OR14K1: variants seen among roughly 807,000 people sequenced by gnomAD.
OR14K1 encodes the protein olfactory receptor family 14 subfamily K member 1.
For synonymous variants in OR14K1, 104 were observed against 70.0 expected, an observed-to-expected ratio of 1.49 and a Z score of -2.42; for missense variants, 253 against 174.4, an observed-to-expected ratio of 1.45 and a Z score of -2.54.
chr1:247,738,683 G>A lies in OR14K1; in HGVS notation c.69G>A (p.Arg23=). Residue 23 remains arginine (R), a synonymous_variant, in exon 1 of 1, where the codon AGG becomes AGA. Transcript: ENST00000283225. ...TTACTGAGAATTGGGTGCTCCTGAG[G>A]CTGCATGCTTTGCTCTTCTCACTGA... ...VRFTENWVLL[R]LHALLFSLIY... is the part of the protein sequence containing the mutation. 1 of 780,792 alleles carries A rather than the reference G, an allele frequency of 1.3e-6. No homozygotes were observed. The highest frequency in any genetic ancestry group is 2.4e-6 in the Non-Finnish European group (1 of 417,964). The allele number at this position is 780,792 out of a possible 1,614,324, so 48.4% of individuals were successfully genotyped here.
Position 247,739,069 on chromosome 1 carries a change from C to T in OR14K1, c.455C>T (p.Ala152Val), listed in dbSNP as rs1472766835. 2 of 780,612 alleles carry T rather than the reference C, an allele frequency of 2.6e-6. No individual in the cohort carries two copies. Among genetic ancestry groups the T allele is most frequent in the African/African-American group, 1.7e-5 (1 of 59,092 alleles). The allele number at this position is 780,612 out of a possible 1,614,324, so 48.4% of individuals were successfully genotyped here. A position where few individuals can be genotyped will look rare whatever the true frequency, so the allele number is the denominator to read the frequency against. ...LMALSWLNRG[A>V]LGLLYTAGTF... ...GCTCTGTCCTGGCTCAACAGAGGGG[C>T]CTTGGGACTCTTGTACACAGCTGGA... The change falls in exon 1 of 1, where the codon GCC (alanine) becomes GTC (valine). Residue 152 changes from alanine to valine, a missense_variant. Transcript: ENST00000283225.
Position 247,738,658 on chromosome 1 carries a change from T to A in OR14K1, c.44T>A (p.Phe15Tyr), listed in dbSNP as rs368644236. 5 of 780,536 alleles carry A rather than the reference T, an allele frequency of 6.4e-6. No homozygotes were observed. The highest frequency in any genetic ancestry group is 1.2e-5 in the Non-Finnish European group (5 of 417,900). 48.4% of individuals were successfully genotyped at this position (780,536 alleles called of 1,614,324 possible). ...ATGATGGAATTCTTGCTTGTGAGAT[T>A]TACTGAGAATTGGGTGCTCCTGAGG... ...TQMMEFLLVR[F>Y]TENWVLLRLH... is the part of the protein sequence containing the mutation. Residue 15 changes from phenylalanine to tyrosine, a missense_variant, in exon 1 of 1, where the codon TTT becomes TAT. Transcript: ENST00000283225.
Position 247,739,410 on chromosome 1 carries a change from T to A in OR14K1, c.796T>A (p.Ser266Thr). ...TTTAAAGCCAGGGTCTGATGCACCT[T>A]CTATTCTAGACTTGCTGGTGTCTGT... ...AYLKPGSDAP[S>T]ILDLLVSVFY... The change falls in exon 1 of 1, where the codon TCT becomes ACT. Residue 266 changes from serine to threonine, a missense_variant. Coordinates refer to ENST00000283225, the MANE Select transcript of OR14K1 (RefSeq NM_001004732.2). The A allele has an allele frequency of 1.3e-6, 1 of 780,830 alleles. No individual in the cohort carries two copies. Among genetic ancestry groups the A allele is most frequent in the Non-Finnish European group, 2.4e-6 (1 of 417,964 alleles). The allele number at this position is 780,830 out of a possible 1,614,324, so 48.4% of individuals were successfully genotyped here.
Position 247,738,878 on chromosome 1 carries a change from C to T in OR14K1, c.264C>T (p.Asp88=). The change falls in exon 1 of 1, where the codon GAC becomes GAT. Residue 88 remains aspartate, a synonymous_variant. Transcript: ENST00000283225. ...TCCTCAACTCTGTCGCCTCCACTGA[C>T]TCCATCTCCTTCCTGGGGTGTGTGT... ...KSILNSVAST[D]SISFLGCVLQ... 2.6e-6 allele frequency: 2 copies of T among 780,824 alleles called. No homozygotes were observed. The highest frequency in any genetic ancestry group is 4.5e-4 in the Middle Eastern group (2 of 4,440). 48.4% of individuals were successfully genotyped at this position (780,824 alleles called of 1,614,324 possible).
Position 247,739,513 on chromosome 1 carries a change from G to A in OR14K1, c.899G>A (p.Ser300Asn), listed in dbSNP as rs1464897081. ...LKNKDIKSALSKVLWNVRSSG... is the reference protein window; with the variant it reads ...LKNKDIKSALNKVLWNVRSSG... ...AACAAGGACATTAAATCCGCTCTGA[G>A]TAAAGTCCTGTGGAATGTTAGAAGC... Residue 300 changes from serine to asparagine, a missense_variant, in exon 1 of 1, where the codon AGT becomes AAT. Physicochemically the swap from Ser to Asn is conservative, Grantham distance 46 (BLOSUM62 1). Transcript: ENST00000283225. The A allele has an allele frequency of 1.3e-6, 1 of 780,782 alleles. No individual in the cohort carries two copies. Among genetic ancestry groups the A allele is most frequent in the Admixed American group, 1.7e-5 (1 of 59,008 alleles). The allele number at this position is 780,782 out of a possible 1,614,324, so 48.4% of individuals were successfully genotyped here. A position where few individuals can be genotyped will look rare whatever the true frequency, so the allele number is the denominator to read the frequency against.
In OR14K1 at chr1:247,739,401, G is replaced by C; in HGVS notation, c.787G>C (p.Asp263His). Reference protein sequence around the residue: ...GAVAYLKPGSDAPSILDLLVS... With the variant: ...GAVAYLKPGSHAPSILDLLVS... ...TGTTGCTTATTTAAAGCCAGGGTCT[G>C]ATGCACCTTCTATTCTAGACTTGCT... The change falls in exon 1 of 1, where the codon GAT becomes CAT. Residue 263 changes from aspartate to histidine, a missense_variant. Asp to His is a moderately conservative substitution (Grantham distance 81). Transcript: ENST00000283225. The C allele has an allele frequency of 1.3e-6, 1 of 780,790 alleles. No individual in the cohort carries two copies. Among genetic ancestry groups the C allele is most frequent in the Non-Finnish European group, 2.4e-6 (1 of 417,966 alleles). The allele number at this position is 780,790 out of a possible 1,614,324, so 48.4% of individuals were successfully genotyped here. A position where few individuals can be genotyped will look rare whatever the true frequency, so the allele number is the denominator to read the frequency against.
Position 247,738,643 on chromosome 1 carries a change from T to G in OR14K1, c.29T>G (p.Phe10Cys). 1.3e-6 allele frequency: 1 copy of G among 780,386 alleles called. No individual in the cohort carries two copies. 48.3% of individuals were successfully genotyped at this position (780,386 alleles called of 1,614,324 possible). A position where few individuals can be genotyped will look rare whatever the true frequency, so the allele number is the denominator to read the frequency against. MTNQTQMME[F>C]LLVRFTENWV... ...ACCAATCAGACACAGATGATGGAAT[T>G]CTTGCTTGTGAGATTTACTGAGAAT... is the stretch of plus-strand genomic sequence containing the variant. The change falls in exon 1 of 1, where the codon TTC becomes TGC. Residue 10 changes from phenylalanine (F) to cysteine (C), a missense_variant. Coordinates refer to ENST00000283225, the MANE Select transcript of OR14K1 (RefSeq NM_001004732.2).
At position 247,738,777 on chromosome 1, in the gene OR14K1, A is replaced by G. The variant is rs745877185; in HGVS notation, c.163A>G (p.Met55Val). Residue 55 changes from methionine to valine, a missense_variant, in exon 1 of 1, where the codon ATG becomes GTG. Coordinates refer to ENST00000283225, the MANE Select transcript of OR14K1 (RefSeq NM_001004732.2). ...LLMILDHRLH[M>V]AMYFFLRHLS... ...CATGATTCTGGACCATCGTCTCCAC[A>G]TGGCAATGTACTTTTTCCTCCGACA... 1.3e-5 allele frequency: 10 copies of G among 780,666 alleles called. No homozygotes were observed. The highest frequency in any genetic ancestry group is 1.2e-4 in the East Asian group (5 of 41,270). The allele number at this position is 780,666 out of a possible 1,614,324, so 48.4% of individuals were successfully genotyped here.
chr1:247,739,174 G>A lies in OR14K1; in HGVS notation c.560G>A (p.Cys187Tyr), dbSNP rs745597613. The change falls in exon 1 of 1, where the codon TGT becomes TAT. Residue 187 changes from cysteine (C) to tyrosine (Y), a missense_variant. By Grantham distance (194) the Cys-to-Tyr change is radical. Transcript: ENST00000283225. ...GTCCCTGCCCTACTAAAGCTCACTT[G>A]TTCTAAAGAACATGCCATCATTAGT... ...CDVPALLKLT[C>Y]SKEHAIISVS... 1.3e-6 allele frequency: 1 copy of A among 780,742 alleles called. No homozygotes were observed. The highest frequency in any genetic ancestry group is 1.7e-5 in the African/African-American group (1 of 59,126). The allele number at this position is 780,742 out of a possible 1,614,324, so 48.4% of individuals were successfully genotyped here.
Position 247,738,900 on chromosome 1 carries a change from G to A in OR14K1, c.286G>A (p.Val96Met), listed in dbSNP as rs757844452. Residue 96 changes from valine to methionine, a missense_variant, in exon 1 of 1, where the codon GTG becomes ATG. Physicochemically the swap from Val to Met is conservative, Grantham distance 21. Transcript: ENST00000283225. Reference protein sequence around the residue: ...STDSISFLGCVLQLFLVVLLA... With the variant: ...STDSISFLGCMLQLFLVVLLA... ...TGACTCCATCTCCTTCCTGGGGTGT[G>A]TGTTGCAGCTCTTCTTGGTGGTACT... 5.4e-5 allele frequency: 42 copies of A among 780,658 alleles called. 2 individuals are homozygous for A. The South Asian group carries it at 5.6e-4, about 10-fold the overall frequency. 48.4% of individuals were successfully genotyped at this position (780,658 alleles called of 1,614,324 possible). A position where few individuals can be genotyped will look rare whatever the true frequency, so the allele number is the denominator to read the frequency against.
In OR14K1 at chr1:247,739,328, C is replaced by T. The variant is rs1361790337; in HGVS notation, c.714C>T (p.Asn238=). 1 of 780,678 alleles carries T rather than the reference C, an allele frequency of 1.3e-6. No homozygotes were observed. Among genetic ancestry groups the T allele is most frequent in the African/African-American group, 1.7e-5 (1 of 59,138 alleles). The allele number at this position is 780,678 out of a possible 1,614,324, so 48.4% of individuals were successfully genotyped here. A position where few individuals can be genotyped will look rare whatever the true frequency, so the allele number is the denominator to read the frequency against. ...AGAGACAATCCAAAGCCTTTTCCAA[C>T]TGTGTGCCTCACCTCATTGTTGTCA... The part of the protein sequence containing the change: ...QRQRQSKAFS[N]CVPHLIVVTV... Residue 238 remains asparagine, a synonymous_variant, in exon 1 of 1, where the codon AAC becomes AAT. Coordinates refer to ENST00000283225, the MANE Select transcript of OR14K1 (RefSeq NM_001004732.2).
Position 247,739,204 on chromosome 1 carries a change from G to C in OR14K1, c.590G>C (p.Ser197Thr). The C allele has an allele frequency of 2.6e-6, 2 of 780,856 alleles. No homozygotes were observed. Among genetic ancestry groups the C allele is most frequent in the Non-Finnish European group, 4.8e-6 (2 of 417,978 alleles). The allele number at this position is 780,856 out of a possible 1,614,324, so 48.4% of individuals were successfully genotyped here. ...CSKEHAIISV[S>T]VAIGVCYAFS... Reference sequence around the variant, plus strand: ...AAAGAACATGCCATCATTAGTGTCAGTGTGGCCATTGGGGTCTGTTATGCA... The same window carrying C: ...AAAGAACATGCCATCATTAGTGTCACTGTGGCCATTGGGGTCTGTTATGCA... Residue 197 changes from serine to threonine, a missense_variant, in exon 1 of 1, where the codon AGT becomes ACT. Transcript: ENST00000283225.
rs367970677 is a variant in OR14K1, at chr1:247,739,449, G to C, written c.835G>C (p.Ala279Pro). Reference protein sequence around the residue: ...DLLVSVFYSVAPPTLNPVIYC... With the variant: ...DLLVSVFYSVPPPTLNPVIYC... ...GCTGGTGTCTGTGTTCTATTCTGTCGCACCTCCAACCTTGAACCCTGTTAT... is the reference window on the plus strand; with the variant it reads ...GCTGGTGTCTGTGTTCTATTCTGTCCCACCTCCAACCTTGAACCCTGTTAT... Residue 279 changes from alanine (A) to proline (P), a missense_variant, in exon 1 of 1, where the codon GCA becomes CCA. Transcript: ENST00000283225. 2.6e-6 allele frequency: 2 copies of C among 780,624 alleles called. No homozygotes were observed. The highest frequency in any genetic ancestry group is 4.9e-5 in the East Asian group (2 of 41,220). The allele number at this position is 780,624 out of a possible 1,614,324, so 48.4% of individuals were successfully genotyped here.
rs374136339 is a variant in OR14K1, at chr1:247,739,419, G to A, written c.805G>A (p.Asp269Asn). Residue 269 changes from aspartate (D) to asparagine (N), a missense_variant, in exon 1 of 1, where the codon GAC becomes AAC. Physicochemically the swap from Asp to Asn is conservative, Grantham distance 23. Coordinates refer to ENST00000283225, the MANE Select transcript of OR14K1 (RefSeq NM_001004732.2). The stretch of plus-strand genomic sequence containing the variant: ...AGGGTCTGATGCACCTTCTATTCTA[G>A]ACTTGCTGGTGTCTGTGTTCTATTC... ...KPGSDAPSIL[D>N]LLVSVFYSVA... is the part of the protein sequence containing the mutation. The A allele has an allele frequency of 1.9e-5, 15 of 780,606 alleles. No individual in the cohort carries two copies. Among genetic ancestry groups the A allele is most frequent in the Non-Finnish European group, 3.6e-5 (15 of 417,950 alleles). The allele number at this position is 780,606 out of a possible 1,614,324, so 48.4% of individuals were successfully genotyped here. A position where few individuals can be genotyped will look rare whatever the true frequency, so the allele number is the denominator to read the frequency against.
Position 247,738,658 on chromosome 1 carries a change from T to G in OR14K1, c.44T>G (p.Phe15Cys), listed in dbSNP as rs368644236. 1 of 780,536 alleles carries G rather than the reference T, an allele frequency of 1.3e-6. No homozygotes were observed. The highest frequency in any genetic ancestry group is 1.7e-5 in the African/African-American group (1 of 59,124). 48.4% of individuals were successfully genotyped at this position (780,536 alleles called of 1,614,324 possible). A position where few individuals can be genotyped will look rare whatever the true frequency, so the allele number is the denominator to read the frequency against. Residue 15 changes from phenylalanine (F) to cysteine (C), a missense_variant, in exon 1 of 1, where the codon TTT becomes TGT. Physicochemically the swap from Phe to Cys is radical, Grantham distance 205. Coordinates refer to ENST00000283225, the MANE Select transcript of OR14K1 (RefSeq NM_001004732.2). ...ATGATGGAATTCTTGCTTGTGAGAT[T>G]TACTGAGAATTGGGTGCTCCTGAGG... is the stretch of plus-strand genomic sequence containing the variant. ...TQMMEFLLVR[F>C]TENWVLLRLH... is the part of the protein sequence containing the mutation.
In OR14K1 at chr1:247,738,774, C is replaced by T. The variant is rs1040106065; in HGVS notation, c.160C>T (p.His54Tyr). The T allele has an allele frequency of 1.3e-6, 1 of 780,818 alleles. No individual in the cohort carries two copies. 48.4% of individuals were successfully genotyped at this position (780,818 alleles called of 1,614,324 possible). A position where few individuals can be genotyped will look rare whatever the true frequency, so the allele number is the denominator to read the frequency against. Residue 54 changes from histidine (H) to tyrosine (Y), a missense_variant, in exon 1 of 1, where the codon CAC becomes TAC. Coordinates refer to ENST00000283225, the MANE Select transcript of OR14K1 (RefSeq NM_001004732.2). ...ILLMILDHRL[H>Y]MAMYFFLRHL... is the part of the protein sequence containing the mutation. Reference sequence around the variant, plus strand: ...CCTCATGATTCTGGACCATCGTCTCCACATGGCAATGTACTTTTTCCTCCG... The same window carrying T: ...CCTCATGATTCTGGACCATCGTCTCTACATGGCAATGTACTTTTTCCTCCG...
rs760844919 is a variant in OR14K1, at chr1:247,739,169, C to T, written c.555C>T (p.Leu185=). ...FFCDVPALLK[L]TCSKEHAIIS... ...GCGATGTCCCTGCCCTACTAAAGCT[C>T]ACTTGTTCTAAAGAACATGCCATCA... is the stretch of plus-strand genomic sequence containing the variant. The change falls in exon 1 of 1, where the codon CTC becomes CTT. Residue 185 remains leucine, a synonymous_variant. Coordinates refer to ENST00000283225, the MANE Select transcript of OR14K1 (RefSeq NM_001004732.2). The T allele has an allele frequency of 8.7e-5, 68 of 780,780 alleles. No individual in the cohort carries two copies. The highest frequency in any genetic ancestry group is 6.7e-4 in the Middle Eastern group (3 of 4,464). The allele number at this position is 780,780 out of a possible 1,614,324, so 48.4% of individuals were successfully genotyped here.
Position 247,738,712 on chromosome 1 carries a change from A to G in OR14K1, c.98A>G (p.Tyr33Cys), listed in dbSNP as rs1384256702. Residue 33 changes from tyrosine to cysteine, a missense_variant, in exon 1 of 1, where the codon TAC (tyrosine) becomes TGC (cysteine). Tyr to Cys is a radical substitution (Grantham distance 194, BLOSUM62 -2). Coordinates refer to ENST00000283225, the MANE Select transcript of OR14K1 (RefSeq NM_001004732.2). ...RLHALLFSLI[Y>C]LTAVLMNLVI... ...CATGCTTTGCTCTTCTCACTGATCT[A>G]CCTCACGGCTGTGCTGATGAATTTA... 2 of 780,690 alleles carry G rather than the reference A, an allele frequency of 2.6e-6. No individual in the cohort carries two copies. The highest frequency in any genetic ancestry group is 1.3e-5 in the South Asian group (1 of 74,594). 48.4% of individuals were successfully genotyped at this position (780,690 alleles called of 1,614,324 possible).
the OR14K1 span, chr1:247,739,379 T>TG: frequency 3.8e-6 from 3 of 780,760 alleles, no homozygotes; most frequent in Non-Finnish European, 7.2e-6. Flanking sequence ...CAGGTGCTGT[T>TG]GCTTATTTAA....
Sources: gnomAD v4.1 joint callset for allele counts on GRCh38, gnomAD v4.1.1 for gene constraint, MANE v1.5 for transcripts, NCBI Gene and HGNC (gene_info 2026-07-23, HGNC 2026-07-21) for gene names.